The following ARHGAP22 variants were observed in gnomAD, a reference collection of about 807,000 sequenced individuals.
The protein encoded by ARHGAP22 is Rho GTPase activating protein 22.
In ARHGAP22, 48 loss-of-function variants were observed where a neutral mutation model predicts 59.1. That is an observed-to-expected ratio of 0.81 (90% CI 0.64 to 1.03). The LOEUF is 1.03. Among genes scored for constraint, ARHGAP22 ranks in the 50% least tolerant of loss-of-function variants. The pLI, the probability that ARHGAP22 is intolerant of heterozygous loss-of-function variation, is 0.00. For missense variants in ARHGAP22, 1,015 were observed against 958.7 expected (o/e 1.06, Z -0.78); for synonymous variants, 445 against 416.4 (o/e 1.07, Z -0.84).
At chr10:48,504,859 G>A (rs978347106) in intron 3 of ARHGAP22, among the ~76,000 whole-genome samples, 28 of 152,066 alleles carry the variant, frequency 1.8e-4, no homozygotes, top group Admixed American at 1.5e-3. Context: ...CTCATAAGTT[G>A]GGGGTGAGCT....
At chr10:48,644,452 G>T (rs2062205061) in intron 1 of ARHGAP22, among the ~76,000 whole-genome samples, 1 of 152,094 alleles carries the variant, frequency 6.6e-6, no homozygotes, top group African/African-American at 2.4e-5. Flanking sequence ...CATACATAGG[G>T]CACTCCTAAC....
intron 3 of ARHGAP22, among the ~76,000 whole-genome samples, chr10:48,544,053 G>A (rs1287781668): frequency 6.6e-6 from 1 of 152,228 alleles, no homozygotes; most frequent in South Asian, 2.1e-4. Flanking sequence ...AACCAGGGAG[G>A]TGGAGGTTGC....
chr10:48,531,160 G>C (rs898981785), intron 3 of ARHGAP22, among the ~76,000 whole-genome samples: 1 of 152,210 alleles, frequency 6.6e-6, no homozygotes, highest in Non-Finnish European at 1.5e-5. Context: ...TCTAAGTGAA[G>C]TAACTCAGGA....
intron 4 of ARHGAP22, among the ~76,000 whole-genome samples, chr10:48,469,550 T>A: frequency 6.6e-6 from 1 of 152,054 alleles, no homozygotes; most frequent in African/African-American, 2.4e-5. Flanking sequence ...TATGCCCCCC[T>A]CCCCAACCAA....
At chr10:48,549,213 C>T (rs2056705251) in intron 3 of ARHGAP22, among the ~76,000 whole-genome samples, 1 of 152,176 alleles carries the variant, frequency 6.6e-6, no homozygotes, top group Non-Finnish European at 1.5e-5. Context: ...CCTATGTTCC[C>T]AGGCTGGAAG....
chr10:48,592,476 C>T (rs1350545645), intron 1 of ARHGAP22, among the ~76,000 whole-genome samples: 23 of 152,198 alleles, frequency 1.5e-4, no homozygotes, highest in Admixed American at 1.5e-3. Context: ...TGATCCATCC[C>T]AGTCCCAGGA....
At chr10:48,440,108 C>T in the ARHGAP22 span, among the ~76,000 whole-genome samples, 10 of 136,466 alleles carry the variant, frequency 7.3e-5, no homozygotes, top group African/African-American at 2.3e-4. Flanking sequence ...AATTCATCCT[C>T]GTTAATTTAG....
chr10:48,652,189 TG>T lies in ARHGAP22; in HGVS notation c.52+44del. 3 of 1,509,536 alleles carry T rather than the reference TG, an allele frequency of 2.0e-6. No individual in the cohort carries two copies. In the South Asian group the frequency reaches 3.6e-5, roughly 18 times the overall value. 93.5% of individuals were successfully genotyped at this position (1,509,536 alleles called of 1,614,324 possible). A position where few individuals can be genotyped will look rare whatever the true frequency, so the allele number is the denominator to read the frequency against. ...CCCATCCCTCAAGCAAGAAGTCAAA[TG>T]CAAAGGTAATCATTTCCCACATAGA... On this transcript the variant is annotated intron_variant, in intron 1 of 9. Coordinates refer to the ARHGAP22 transcript ENST00000435790.
intron 2 of ARHGAP22, among the ~76,000 whole-genome samples, chr10:48,560,960 T>A (rs1379682535): frequency 6.6e-6 from 1 of 152,120 alleles, no homozygotes; most frequent in East Asian, 1.9e-4. Flanking sequence ...TATAGTGTCT[T>A]TGTCTTGTAA....
chr10:48,466,205 G>C (rs1337766856), intron 4 of ARHGAP22, among the ~76,000 whole-genome samples: 1 of 152,054 alleles, frequency 6.6e-6, no homozygotes, highest in Non-Finnish European at 1.5e-5. Context: ...AGAGCCCGAG[G>C]CTCGGATCCC....
At chr10:48,651,426 C>T (rs540474642) in intron 1 of ARHGAP22, among the ~76,000 whole-genome samples, 9 of 151,946 alleles carry the variant, frequency 5.9e-5, no homozygotes, top group African/African-American at 1.9e-4. Flanking sequence ...TCCACCCAGC[C>T]AGCACCTGCA....
At chr10:48,548,258 G>A (rs369079533) in intron 3 of ARHGAP22, among the ~76,000 whole-genome samples, 4 of 152,122 alleles carry the variant, frequency 2.6e-5, no homozygotes, top group African/African-American at 9.7e-5. Flanking sequence ...CCTACCCCCT[G>A]GTTTCTGGTG....
chr10:48,568,531 A>G (rs10776620), intron 2 of ARHGAP22, among the ~76,000 whole-genome samples: 60,029 of 151,852 alleles, frequency 0.4, 13,423 homozygotes, highest in East Asian at 0.89. Flanking sequence ...TGAGACAGGT[A>G]TGTTCACAGG....
chr10:48,570,673 G>A (rs950319993), intron 2 of ARHGAP22, among the ~76,000 whole-genome samples: 6 of 152,198 alleles, frequency 3.9e-5, no homozygotes, highest in Non-Finnish European at 1.5e-5. Flanking sequence ...GTAGGAAGGA[G>A]GGATTGAAGT....
At chr10:48,493,631 C>CCTTTT (rs2134256240) in intron 3 of ARHGAP22, 1 of 1,439,732 alleles carries the variant, frequency 6.9e-7, no homozygotes, top group East Asian at 2.6e-5. Context: ...TGCCTGTGGG[C>CCTTTT]ATCAGGCTGA....
At chr10:48,462,740 C>T (rs2047268717) in intron 4 of ARHGAP22, among the ~76,000 whole-genome samples, 1 of 152,240 alleles carries the variant, frequency 6.6e-6, no homozygotes, top group Admixed American at 6.5e-5. Context: ...GCGCCCCTGC[C>T]CAGAAATGGG....
At chr10:48,528,295 G>A (rs963251334) in intron 3 of ARHGAP22, among the ~76,000 whole-genome samples, 1 of 152,172 alleles carries the variant, frequency 6.6e-6, no homozygotes, top group African/African-American at 2.4e-5. Context: ...TGTGAGCTCA[G>A]CCCTGGGTAG....
rs1564919541 is a variant in ARHGAP22, at chr10:48,577,800, GGTTTTT to G, written c.234+5147_234+5152del. 7.2e-4 allele frequency among the ~76,000 whole-genome samples: 30 copies of G among 41,952 alleles called. 1 individual carries two copies. Among genetic ancestry groups the G allele is most frequent in the South Asian group, 2.8e-3 (2 of 706 alleles). 27.5% of individuals were successfully genotyped at this position (41,952 alleles called of 152,430 possible). On this transcript the variant is annotated intron_variant, in intron 2 of 9. Coordinates refer to ENST00000249601, the MANE Select transcript of ARHGAP22 (RefSeq NM_021226.4). Reference sequence around the variant, plus strand: ...ATCTGAGATCTAACTGCTCTTTTTTGGTTTTTTTTTTTTTTTTTTTTTTTTTTTTGG... The same window carrying G: ...ATCTGAGATCTAACTGCTCTTTTTTGTTTTTTTTTTTTTTTTTTTTTTTGG...
At chr10:48,517,145 G>C (rs1013901977) in intron 3 of ARHGAP22, among the ~76,000 whole-genome samples, 3 of 152,170 alleles carry the variant, frequency 2.0e-5, no homozygotes, top group African/African-American at 7.2e-5. Flanking sequence ...TGATGACAAT[G>C]TTCTAAAATT....
Sources: gnomAD v4.1 joint callset for allele counts (sites outside exome capture counted in the v4.1 genomes callset) on GRCh38, gnomAD v4.1.1 for gene constraint, MANE v1.5 for transcripts, NCBI Gene and HGNC (gene_info 2026-07-23, HGNC 2026-07-21) for gene names.